Variants in TTC23L observed in about 807,000 individuals in gnomAD.
The protein encoded by TTC23L is tetratricopeptide repeat protein 23-like.
Under a neutral mutation model 48.1 loss-of-function variants are expected in TTC23L, and 42 were observed. The ratio of observed to expected loss-of-function variants is 0.87; its 90% CI spans 0.68 to 1.13. The LOEUF (loss-of-function observed/expected upper bound fraction) is 1.13, where lower values mean the gene tolerates loss of function less well. Ranked by LOEUF, TTC23L falls within the 50% of genes most tolerant of loss-of-function variation. TTC23L has a pLI of 0.00. For synonymous variants in TTC23L, 159 were observed against 157.2 expected, an observed-to-expected ratio of 1.01 and a Z score of -0.09; for missense variants, 391 against 421.0, an observed-to-expected ratio of 0.93 and a Z score of 0.62.
exon 6 of TTC23L, chr5:34,864,540 G>C (rs549474035): frequency 1.2e-6 from 2 of 1,613,354 alleles, no homozygotes; most frequent in East Asian, 2.2e-5. Flanking sequence ...CTCTGAGAAC[G>C]ACCTAACACT....
At chr5:34,887,124 G>T (rs2111748333) in intron 9 of TTC23L, among the ~76,000 whole-genome samples, 1 of 152,288 alleles carries the variant, frequency 6.6e-6, no homozygotes. Flanking sequence ...TCTACATCAG[G>T]TTCGCAGGGA....
chr5:34,899,520 T>G (rs772358235), downstream of TTC23L: 1 of 152,644 alleles, frequency 6.6e-6, no homozygotes, highest in South Asian at 2.1e-4. Flanking sequence ...AAAACAACGG[T>G]TTTTTATTAA....
At chr5:34,886,363 TA>T (rs3032938) in intron 9 of TTC23L, among the ~76,000 whole-genome samples, 69,402 of 123,056 alleles carry the variant, frequency 0.56, 18,662 homozygotes, top group Non-Finnish European at 0.6. Context: ...CAGGCTGATT[TA>T]AAAAAAAAAA....
the TTC23L span, chr5:34,925,224 A>G: frequency 1.5e-6 from 2 of 1,346,052 alleles, no homozygotes; most frequent in Non-Finnish European, 9.6e-7. Context: ...TTTTTTTTTT[A>G]GCATCGGCGT....
chr5:34,911,522 A>G, the TTC23L span: 1 of 1,609,394 alleles, frequency 6.2e-7, no homozygotes, highest in Non-Finnish European at 8.5e-7. Context: ...AGTACAGACC[A>G]CATTAACTAT....
exon 3 of TTC23L, chr5:34,845,494 C>G: frequency 1.2e-6 from 2 of 1,612,840 alleles, no homozygotes; most frequent in Non-Finnish European, 1.7e-6. Context: ...CAGGTCACAG[C>G]AAACCGAGAT....
At chr5:34,915,664 C>T in the TTC23L span, 2 of 1,468,478 alleles carry the variant, frequency 1.4e-6, no homozygotes, top group Non-Finnish European at 1.8e-6. Context: ...TTAGAGCCGC[C>T]GAACCATAGA....
intron 1 of TTC23L, among the ~76,000 whole-genome samples, chr5:34,840,004 G>C (rs1758474880): frequency 6.6e-6 from 1 of 152,208 alleles, no homozygotes; most frequent in African/African-American, 2.4e-5. Flanking sequence ...CGATTCTCCT[G>C]CCTCAGCCTC....
At chr5:34,865,582 T>C (rs746834052) in intron 6 of TTC23L, among the ~76,000 whole-genome samples, 1 of 152,256 alleles carries the variant, frequency 6.6e-6, no homozygotes, top group Non-Finnish European at 1.5e-5. Flanking sequence ...ACCTTTTTTA[T>C]GCATGTCCTG....
At chr5:34,911,924 A>C in the TTC23L span, 6 of 1,241,322 alleles carry the variant, frequency 4.8e-6, no homozygotes, top group Non-Finnish European at 5.7e-6. Flanking sequence ...CCAATTTCTC[A>C]CATATATGTA....
intron 9 of TTC23L, among the ~76,000 whole-genome samples, chr5:34,881,632 A>T (rs1033327548): frequency 6.6e-6 from 1 of 152,196 alleles, no homozygotes; most frequent in Admixed American, 6.5e-5. Flanking sequence ...TTTTTATATC[A>T]TATCTAAACA....
chr5:34,852,472 T>TA (rs35983595), intron 4 of TTC23L, among the ~76,000 whole-genome samples: 43,242 of 151,900 alleles, frequency 0.28, 6,265 homozygotes, highest in Middle Eastern at 0.34. Flanking sequence ...GCTTGTGTTA[T>TA]AAAATGAGAG....
the TTC23L span, among the ~76,000 whole-genome samples, chr5:34,905,025 A>C: frequency 1.2e-3 from 180 of 152,302 alleles, no homozygotes; most frequent in African/African-American, 4.2e-3. Flanking sequence ...GATTATCGAA[A>C]TCTCTGGACG....
At chr5:34,908,791 C>T in the TTC23L span, 1 of 1,604,888 alleles carries the variant, frequency 6.2e-7, no homozygotes, top group Non-Finnish European at 8.5e-7. Context: ...GGAACTTCTT[C>T]ATCAGGGCAG....
the TTC23L span, chr5:34,908,550 A>T: frequency 4.5e-6 from 2 of 444,134 alleles, no homozygotes; most frequent in Non-Finnish European, 8.0e-6. Context: ...AGTCCTGAAT[A>T]ATCTATGACT....
chr5:34,897,023 A>C (rs957696424), intron 10 of TTC23L, 148 bp downstream of exon 10: 9 of 548,586 alleles, frequency 1.6e-5, no homozygotes, highest in Admixed American at 3.1e-5. Flanking sequence ...AAAAAAAAAA[A>C]CAAAAAAAAC....
At chr5:34,840,167 C>T (rs1159544959) in intron 1 of TTC23L, among the ~76,000 whole-genome samples, 2 of 142,598 alleles carry the variant, frequency 1.4e-5, no homozygotes, top group East Asian at 4.1e-4. Context: ...GCTGGGATTA[C>T]AGGCGTGAGC....
chr5:34,911,964 C>CTTT, the TTC23L span: 2 of 913,130 alleles, frequency 2.2e-6, no homozygotes, highest in Non-Finnish European at 3.3e-6. Context: ...GACATCTTCC[C>CTTT]TGATGACAGT....
chr5:34,884,523 T>TACAC (rs572660867), intron 9 of TTC23L, among the ~76,000 whole-genome samples: 10 of 148,738 alleles, frequency 6.7e-5, no homozygotes, highest in African/African-American at 2.2e-4. Flanking sequence ...AATGATCACA[T>TACAC]ACACACACAC....
Sources: gnomAD v4.1 joint callset for allele counts (sites outside exome capture counted in the v4.1 genomes callset) on GRCh38, gnomAD v4.1.1 for gene constraint, MANE v1.5 for transcripts, NCBI Gene and HGNC (gene_info 2026-07-23, HGNC 2026-07-21) for gene names.